RAF1: variants seen among roughly 807,000 people sequenced by gnomAD.
RAF1 encodes the protein Raf-1 proto-oncogene, serine/threonine kinase.
In RAF1, 27 loss-of-function variants were observed where a neutral mutation model predicts 81.1. The observed-to-expected ratio is 0.33, with a 90% CI of 0.25 to 0.46. RAF1 has a LOEUF of 0.46. Among genes scored for constraint, RAF1 ranks in the 20% least tolerant of loss-of-function variants. The pLI, the probability that RAF1 is intolerant of heterozygous loss-of-function variation, is 1.00. For missense variants in RAF1, 598 were observed against 826.0 expected, an observed-to-expected ratio of 0.72 and a Z score of 3.38; for synonymous variants, 298 against 294.0, an observed-to-expected ratio of 1.01 and a Z score of -0.14.
chr3:12,644,183 T>C (rs904215172), intron 1 of RAF1, among the ~76,000 whole-genome samples: 1 of 152,144 alleles, frequency 6.6e-6, no homozygotes, highest in African/African-American at 2.4e-5. Flanking sequence ...ACAAGTCAAA[T>C]CTGGAGAGAC....
intron 5 of RAF1, among the ~76,000 whole-genome samples, chr3:12,606,826 G>C (rs2059048390): frequency 6.6e-6 from 1 of 151,978 alleles, no homozygotes; most frequent in African/African-American, 2.4e-5. Context: ...TTTAACATTA[G>C]GTGTCTCTCC....
intron 1 of RAF1, among the ~76,000 whole-genome samples, chr3:12,648,584 G>C (rs1392488114): frequency 6.6e-6 from 1 of 152,126 alleles, no homozygotes; most frequent in Non-Finnish European, 1.5e-5. Flanking sequence ...GCAGTTTCAA[G>C]AAGTAACCAT....
At chr3:12,626,425 C>CA (rs946311731) in intron 1 of RAF1, among the ~76,000 whole-genome samples, 13 of 151,520 alleles carry the variant, frequency 8.6e-5, no homozygotes, top group Non-Finnish European at 1.5e-5. Flanking sequence ...CCCGTCTGTA[C>CA]AAAAAAATTT....
At chr3:12,612,128 G>C in intron 2 of RAF1, 66 bp from the exon 3 acceptor site, 1 of 1,230,864 alleles carries the variant, frequency 8.1e-7, no homozygotes, top group South Asian at 1.2e-5. Flanking sequence ...GGTGGGCACA[G>C]AAATAAATGC....
At chr3:12,623,797 CAA>C (rs71063844) in intron 1 of RAF1, among the ~76,000 whole-genome samples, 14,605 of 114,696 alleles carry the variant, frequency 0.13, 511 homozygotes, top group African/African-American at 0.26. Flanking sequence ...GACTCTGTCT[CAA>C]AAAAAAAAAA....
intron 11 of RAF1, among the ~76,000 whole-genome samples, chr3:12,593,192 G>T (rs1226269799): frequency 6.6e-6 from 1 of 151,294 alleles, no homozygotes; most frequent in Non-Finnish European, 1.5e-5. Context: ...CGATTCTCCT[G>T]CCTCAGCCTC....
chr3:12,593,703 A>C (rs1007560713), intron 11 of RAF1, among the ~76,000 whole-genome samples: 2 of 152,026 alleles, frequency 1.3e-5, no homozygotes, highest in Non-Finnish European at 2.9e-5. Context: ...AATCATTTGC[A>C]TAAGTGTCCA....
chr3:12,610,093 T>C (rs1359845396), intron 3 of RAF1, among the ~76,000 whole-genome samples: 1 of 152,228 alleles, frequency 6.6e-6, no homozygotes, highest in Non-Finnish European at 1.5e-5. Context: ...TTTCTGTGCC[T>C]ACAGTATAAA....
chr3:12,606,732 T>C (rs2059042737), intron 5 of RAF1, among the ~76,000 whole-genome samples: 1 of 152,058 alleles, frequency 6.6e-6, no homozygotes, highest in Non-Finnish European at 1.5e-5. Context: ...TACTTTAAGT[T>C]TTAGGGTACA....
chr3:12,629,657 C>T (rs899536868), intron 1 of RAF1, among the ~76,000 whole-genome samples: 5 of 152,154 alleles, frequency 3.3e-5, no homozygotes, highest in Non-Finnish European at 5.9e-5. Context: ...TGTTAAGATC[C>T]GTGCATTCAT....
intron 5 of RAF1, among the ~76,000 whole-genome samples, chr3:12,607,465 T>A (rs1025954094): frequency 2.0e-5 from 3 of 152,154 alleles, no homozygotes; most frequent in African/African-American, 7.2e-5. Context: ...CTGGGCAACA[T>A]GCTGAAACCC....
chr3:12,609,419 G>A (rs1471184258), intron 3 of RAF1, 84 bp from the exon 4 acceptor site: 1 of 881,944 alleles, frequency 1.1e-6, no homozygotes, highest in Non-Finnish European at 1.9e-6. Context: ...TTTATCACAT[G>A]CCATATAAAC....
chr3:12,584,793 A>G, intron 17 of RAF1, 54 bp downstream of exon 16: 2 of 1,613,892 alleles, frequency 1.2e-6, no homozygotes, highest in East Asian at 2.2e-5. Flanking sequence ...TTATATTGCC[A>G]TCTTTACGAA....
chr3:12,587,706 A>G (rs1035141167), intron 13 of RAF1, 69 bp from the exon 13 acceptor site: 1 of 1,334,448 alleles, frequency 7.5e-7, no homozygotes, highest in African/African-American at 1.4e-5. Context: ...TTTAAACTAC[A>G]GCTAAGAAGT....
chr3:12,638,609 A>G (rs1481311121), intron 1 of RAF1, among the ~76,000 whole-genome samples: 1 of 152,266 alleles, frequency 6.6e-6, no homozygotes, highest in East Asian at 1.9e-4. Flanking sequence ...TTACAAATAA[A>G]ACCAAATACA....
chr3:12,630,122 TG>T (rs2059818780), intron 1 of RAF1, among the ~76,000 whole-genome samples: 1 of 152,164 alleles, frequency 6.6e-6, no homozygotes, highest in Non-Finnish European at 1.5e-5. Context: ...AAACTAAATT[TG>T]GGAAGGAGGA....
chr3:12,600,384 G>T lies in RAF1; in HGVS notation c.922+4C>A, dbSNP rs527784912. The T allele has an allele frequency of 4.3e-6, 7 of 1,614,186 alleles. No individual in the cohort carries two copies. The highest frequency in any genetic ancestry group is 4.0e-5 in the African/African-American group (3 of 75,040). ...TTGTTGGCTAAATGACTATGGAAAAGTACCTGATTCGCTGTGACTTCGAAT... is the reference window on the plus strand; with the variant it reads ...TTGTTGGCTAAATGACTATGGAAAATTACCTGATTCGCTGTGACTTCGAAT... On this transcript the variant is annotated splice_donor_region_variant and intron_variant, in intron 9 of 17. Coordinates refer to ENST00000442415, the MANE Select transcript of RAF1 (RefSeq NM_001354689.3).
intron 1 of RAF1, among the ~76,000 whole-genome samples, chr3:12,647,344 TA>T (rs1184644943): frequency 1.3e-5 from 2 of 148,746 alleles, no homozygotes; most frequent in African/African-American, 5.0e-5. Context: ...CTCACCCCTG[TA>T]ATCTCAGCAC....
intron 6 of RAF1, among the ~76,000 whole-genome samples, chr3:12,605,654 CG>C (rs1229507897): frequency 2.6e-5 from 4 of 152,030 alleles, no homozygotes; most frequent in African/African-American, 7.2e-5. Flanking sequence ...AGTAGATAAA[CG>C]CAACAAAACT....
Sources: allele counts gnomAD v4.1 joint callset (sites outside exome capture counted in the v4.1 genomes callset), GRCh38; gene constraint gnomAD v4.1.1; transcripts MANE v1.5; gene names NCBI Gene and HGNC (gene_info 2026-07-23, HGNC 2026-07-21).